The following ARFGEF1 variants were observed in gnomAD, a reference collection of about 807,000 sequenced individuals.
The protein encoded by ARFGEF1 is brefeldin A-inhibited guanine nucleotide-exchange protein 1.
In ARFGEF1, 42 loss-of-function variants were observed where a neutral mutation model predicts 231.0. The observed-to-expected ratio is 0.18, with a 90% CI of 0.14 to 0.24. ARFGEF1 has a LOEUF of 0.24. Among genes scored for constraint, ARFGEF1 ranks in the 10% least tolerant of loss-of-function variants. The pLI, the probability that ARFGEF1 is intolerant of heterozygous loss-of-function variation, is 1.00. For missense variants in ARFGEF1, 1,345 were observed against 2,192.0 expected (o/e 0.61, Z 7.72); for synonymous variants, 710 against 732.3 (o/e 0.97, Z 0.49).
At chr8:67,343,121 C>A in intron 1 of ARFGEF1, 43 bp downstream of exon 1, 2 of 1,368,116 alleles carry the variant, frequency 1.5e-6, no homozygotes, top group East Asian at 2.6e-5. Flanking sequence ...CCCTCCCCGC[C>A]CCACAACAAG....
intron 6 of ARFGEF1, 87 bp downstream of exon 6, chr8:67,291,760 T>C: frequency 2.0e-6 from 3 of 1,487,188 alleles, no homozygotes; most frequent in Non-Finnish European, 2.7e-6. Flanking sequence ...TAAATCATAT[T>C]ATCCTTTCAA....
Position 67,299,353 on chromosome 8 carries a change from T to C in ARFGEF1, c.315A>G (p.Lys105=). Residue 105 remains lysine (K), a splice_region_variant and synonymous_variant, in exon 4 of 39, where the codon AAA becomes AAG. Transcript: ENST00000262215. ...CAGTCAAGTGCCCATAAGCAATAAG[T>C]TTCTAAAATGGAGAAAGAAAACAAA... is the stretch of plus-strand genomic sequence containing the variant. ...IVSTSLDCLQ[K]LIAYGHLTGN... 1.9e-6 allele frequency: 3 copies of C among 1,601,242 alleles called. No individual in the cohort carries two copies. The highest frequency in any genetic ancestry group is 1.7e-6 in the Non-Finnish European group (2 of 1,176,928).
In ARFGEF1 at chr8:67,236,363, AAAATATATATATATATATATATAT is replaced by A. The variant is rs1285641936; in HGVS notation, c.3289+1956_3289+1979del. 1.2e-3 allele frequency among the ~76,000 whole-genome samples: 47 copies of A among 37,692 alleles called. 1 individual carries two copies. The highest frequency in any genetic ancestry group is 1.8e-3 in the Non-Finnish European group (39 of 21,560). The allele number at this position is 37,692 out of a possible 152,430, so 24.7% of individuals were successfully genotyped here. On this transcript the variant is annotated intron_variant, in intron 22 of 38. Coordinates refer to ENST00000262215, the MANE Select transcript of ARFGEF1 (RefSeq NM_006421.5). ...AAGATATTAGTTAAAAAAAAAAAAA[AAAATATATATATATATATATATAT>A]ATATATATATATATATATATATATG...
At chr8:67,190,892 TGC>T in intron 5 of ARFGEF1, 1 of 652,222 alleles carries the variant, frequency 1.5e-6, no homozygotes. Context: ...ATCTAGGCTC[TGC>T]CTTGACTGGA....
At chr8:67,266,554 A>G (rs1804861646) in intron 13 of ARFGEF1, among the ~76,000 whole-genome samples, 1 of 152,160 alleles carries the variant, frequency 6.6e-6, no homozygotes, top group Non-Finnish European at 1.5e-5. Context: ...TAAACATCAA[A>G]CACAGATGAA....
chr8:67,343,086 C>CGT, intron 1 of ARFGEF1, 78 bp downstream of exon 1: 1 of 1,063,896 alleles, frequency 9.4e-7, no homozygotes, highest in Non-Finnish European at 1.3e-6. Context: ...AAGCCCCGGG[C>CGT]GACCCCACCC....
At chr8:67,229,156 T>C (rs1386853052) in intron 23 of ARFGEF1, among the ~76,000 whole-genome samples, 1 of 152,074 alleles carries the variant, frequency 6.6e-6, no homozygotes, top group East Asian at 1.9e-4. Context: ...TTATGAAGCA[T>C]GTACTATTAA....
In ARFGEF1 at chr8:67,296,519, G is replaced by C; in HGVS notation, c.551C>G (p.Ala184Gly). ...TGTCTGATTGATGAGATTTTTGCTT[G>C]CTAAGTAGATATTGTAACATGTTCT... ...AVRTCYNIYL[A>G]SKNLINQTTA... Residue 184 changes from alanine to glycine, a missense_variant, in exon 5 of 39, where the codon GCA (alanine) becomes GGA (glycine). Ala to Gly is a moderately conservative substitution (Grantham distance 60). Coordinates refer to ENST00000262215, the MANE Select transcript of ARFGEF1 (RefSeq NM_006421.5). The C allele has an allele frequency of 1.9e-6, 3 of 1,613,876 alleles. No homozygotes were observed. Among genetic ancestry groups the C allele is most frequent in the Non-Finnish European group, 2.5e-6 (3 of 1,179,960 alleles).
chr8:67,235,667 T>C (rs968040678), intron 22 of ARFGEF1, among the ~76,000 whole-genome samples: 5 of 151,990 alleles, frequency 3.3e-5, no homozygotes, highest in Admixed American at 6.6e-5. Context: ...GAAAAAAACA[T>C]AGTGAAAGCC....
chr8:67,266,192 G>A lies in ARFGEF1; in HGVS notation c.1937C>T (p.Ser646Leu). ...TTTGATTTCACTCATCTCTTGCTCT[G>A]AGGGTTTTTCCTGACCTGAAAGAAG... is the stretch of plus-strand genomic sequence containing the variant. ...SQTTLGQEKP[S>L]EQEMSEIKHP... The change falls in exon 14 of 39, where the codon TCA (serine) becomes TTA (leucine). Residue 646 changes from serine to leucine, a missense_variant. By Grantham distance (145) the Ser-to-Leu change is moderately radical (BLOSUM62 -2). Around this residue, in one of 14 missense-constraint regions of ARFGEF1, gnomAD observed 105 missense variants for 159.3 expected, o/e 0.66. Transcript: ENST00000262215. 6.2e-7 allele frequency: 1 copy of A among 1,613,132 alleles called. No homozygotes were observed. Among genetic ancestry groups the A allele is most frequent in the South Asian group, 1.1e-5 (1 of 91,014 alleles).
At chr8:67,203,993 T>C (rs1838424491) in intron 35 of ARFGEF1, among the ~76,000 whole-genome samples, 1 of 152,200 alleles carries the variant, frequency 6.6e-6, no homozygotes, top group Non-Finnish European at 1.5e-5. Context: ...ATTGCCCCTC[T>C]CTTGCCTACA....
chr8:67,298,782 T>C (rs1049771149), intron 4 of ARFGEF1, among the ~76,000 whole-genome samples: 16 of 152,320 alleles, frequency 1.1e-4, no homozygotes, highest in African/African-American at 3.6e-4. Flanking sequence ...CGTTTTTTTC[T>C]TGAGACTGAG....
At chr8:67,204,870 T>C in intron 34 of ARFGEF1, 51 bp from the exon 35 acceptor site, 1 of 1,597,914 alleles carries the variant, frequency 6.3e-7, no homozygotes, top group South Asian at 1.1e-5. Context: ...TTATTTTGAA[T>C]CCTTTATAAT....
At chr8:67,232,808 A>C in intron 23 of ARFGEF1, 47 bp downstream of exon 23, 1 of 1,425,258 alleles carries the variant, frequency 7.0e-7, no homozygotes, top group South Asian at 1.3e-5. Context: ...AATGCTAAAG[A>C]ACTGAAATAG....
At chr8:67,235,074 A>G (rs1253665456) in intron 22 of ARFGEF1, among the ~76,000 whole-genome samples, 2 of 144,780 alleles carry the variant, frequency 1.4e-5, no homozygotes, top group African/African-American at 5.4e-5. Context: ...ATGTGTGTAT[A>G]TATATATATA....
chr8:67,330,576 T>C (rs1487500872), intron 1 of ARFGEF1, among the ~76,000 whole-genome samples: 1 of 152,184 alleles, frequency 6.6e-6, no homozygotes, highest in African/African-American at 2.4e-5. Context: ...GAGCTGTTAT[T>C]TACTATAAAA....
chr8:67,276,774 T>C (rs562534355), intron 8 of ARFGEF1, among the ~76,000 whole-genome samples: 43 of 152,254 alleles, frequency 2.8e-4, no homozygotes, highest in South Asian at 2.3e-3. Flanking sequence ...CAGAAGTGTT[T>C]TGGGTTTCAG....
At chr8:67,332,612 A>G (rs187212636) in intron 1 of ARFGEF1, among the ~76,000 whole-genome samples, 1 of 152,324 alleles carries the variant, frequency 6.6e-6, no homozygotes, top group East Asian at 1.9e-4. Flanking sequence ...GTACATGGCA[A>G]TATTTTCCTG....
intron 1 of ARFGEF1, among the ~76,000 whole-genome samples, chr8:67,342,577 G>C (rs1006276301): frequency 6.6e-6 from 1 of 151,970 alleles, no homozygotes; most frequent in Non-Finnish European, 1.5e-5. Context: ...GGTCAGCCCA[G>C]TCAGATACAA....
Sources: allele counts gnomAD v4.1 joint callset (sites outside exome capture counted in the v4.1 genomes callset), GRCh38; gene constraint gnomAD v4.1.1; regional missense constraint gnomAD v4.1.1; transcripts MANE v1.5; gene names NCBI Gene and HGNC (gene_info 2026-07-23, HGNC 2026-07-21).